The following TASP1 variants were observed in gnomAD, a reference collection of about 807,000 sequenced individuals.
The protein encoded by TASP1 is threonine aspartase 1.
Under a neutral mutation model 56.6 loss-of-function variants are expected in TASP1, and 16 were observed. That is an observed-to-expected ratio of 0.28 (90% CI 0.19 to 0.43). TASP1 has a LOEUF of 0.43. Among genes scored for constraint, TASP1 ranks in the 20% least tolerant of loss-of-function variants. The probability of loss-of-function intolerance (pLI) is 1.00; values close to 1 mark genes in which losing one functional copy is unlikely to be tolerated. For synonymous variants in TASP1, 179 were observed against 184.2 expected, an observed-to-expected ratio of 0.97 and a Z score of 0.23; for missense variants, 393 against 511.6, an observed-to-expected ratio of 0.77 and a Z score of 2.24.
the TASP1 span, among the ~76,000 whole-genome samples, chr20:13,337,316 C>G: frequency 6.6e-6 from 1 of 152,168 alleles, no homozygotes. Flanking sequence ...GTTTTTTAGA[C>G]GCCGAGGTCA....
chr20:13,409,434 C>T (rs928290679), intron 13 of TASP1, among the ~76,000 whole-genome samples: 14 of 151,944 alleles, frequency 9.2e-5, no homozygotes, highest in African/African-American at 2.7e-4. Flanking sequence ...TACATTTAGA[C>T]GTTTTATACC....
At chr20:13,164,433 T>C in the TASP1 span, 4 of 492,662 alleles carry the variant, frequency 8.1e-6, no homozygotes, top group African/African-American at 7.8e-5. Flanking sequence ...AGACTACATA[T>C]AAGTCACTAC....
the TASP1 span, chr20:13,270,864 C>T: frequency 1.1e-6 from 1 of 894,284 alleles, no homozygotes; most frequent in South Asian, 1.6e-5. Context: ...ATGATTCCTG[C>T]TTAAGATCAT....
At chr20:13,475,818 C>T (rs368001361) in intron 11 of TASP1, among the ~76,000 whole-genome samples, 7 of 148,148 alleles carry the variant, frequency 4.7e-5, no homozygotes, top group South Asian at 2.2e-4. Context: ...ATCACTTGAA[C>T]CCTGGAGGCG....
chr20:13,631,274 A>C (rs1296485435), intron 1 of TASP1, among the ~76,000 whole-genome samples: 3 of 152,326 alleles, frequency 2.0e-5, no homozygotes, highest in East Asian at 3.9e-4. Context: ...ATACAGATTC[A>C]CAAATGCAGG....
chr20:13,390,217 G>C lies in TASP1; in HGVS notation c.*143C>G. ...CGCGTGTCACTAAGCGCTAACTACAGCAGCACTTGTGTCTCGAGCAGTGCA... is the reference window on the plus strand; with the variant it reads ...CGCGTGTCACTAAGCGCTAACTACACCAGCACTTGTGTCTCGAGCAGTGCA... On this transcript the variant is annotated 3_prime_UTR_variant, in exon 14 of 14. Transcript: ENST00000337743. 1 of 710,088 alleles carries C rather than the reference G, an allele frequency of 1.4e-6. No homozygotes were observed. Among genetic ancestry groups the C allele is most frequent in the Non-Finnish European group, 2.3e-6 (1 of 427,014 alleles). 44.0% of individuals were successfully genotyped at this position (710,088 alleles called of 1,614,324 possible). A position where few individuals can be genotyped will look rare whatever the true frequency, so the allele number is the denominator to read the frequency against.
the TASP1 span, among the ~76,000 whole-genome samples, chr20:13,275,269 T>C: frequency 1.3e-5 from 2 of 152,356 alleles, no homozygotes; most frequent in South Asian, 4.1e-4. Flanking sequence ...CACAGGCCTC[T>C]TGAGCGCCAC....
At chr20:13,250,797 C>T in the TASP1 span, among the ~76,000 whole-genome samples, 1 of 152,184 alleles carries the variant, frequency 6.6e-6, no homozygotes, top group African/African-American at 2.4e-5. Flanking sequence ...CCCTGCAGCT[C>T]ATCTGCCCAC....
chr20:13,569,563 T>G lies in TASP1; in HGVS notation c.512A>C (p.Tyr171Ser), dbSNP rs774388018. 35 of 1,612,414 alleles carry G rather than the reference T, an allele frequency of 2.2e-5. No homozygotes were observed. Among genetic ancestry groups the G allele is most frequent in the African/African-American group, 2.7e-5 (2 of 74,882 alleles). Residue 171 changes from tyrosine (Y) to serine (S), a missense_variant, in exon 7 of 14, where the codon TAC (tyrosine) becomes TCC (serine). By Grantham distance (144) the Tyr-to-Ser change is moderately radical (BLOSUM62 -2). Coordinates refer to ENST00000337743, the MANE Select transcript of TASP1 (RefSeq NM_017714.3). ...TATTCCATGATCTACTGCCCATCTGTAGGCTCCTTCTCCAACTAAAAAGCT... is the reference window on the plus strand; with the variant it reads ...TATTCCATGATCTACTGCCCATCTGGAGGCTCCTTCTCCAACTAAAAAGCT... ...PPCFLVGEGAYRWAVDHGIPS... is the reference protein window; with the variant it reads ...PPCFLVGEGASRWAVDHGIPS...
At chr20:13,549,084 T>C (rs1048572312) in intron 8 of TASP1, among the ~76,000 whole-genome samples, 1 of 152,136 alleles carries the variant, frequency 6.6e-6, no homozygotes, top group Non-Finnish European at 1.5e-5. Context: ...TAGTTCAACA[T>C]GCTGACTTAA....
chr20:13,325,777 G>A, the TASP1 span, among the ~76,000 whole-genome samples: 55 of 152,154 alleles, frequency 3.6e-4, 2 homozygotes, highest in African/African-American at 1.0e-3. Context: ...TAATTACTCC[G>A]AGAACTGACT....
chr20:13,488,945 C>T (rs1473335418), intron 10 of TASP1, among the ~76,000 whole-genome samples: 3 of 152,164 alleles, frequency 2.0e-5, no homozygotes, highest in Admixed American at 2.0e-4. Flanking sequence ...TCCCAAAAAC[C>T]TCCCTGCTGC....
At chr20:13,426,437 A>G (rs2042619696) in intron 12 of TASP1, among the ~76,000 whole-genome samples, 1 of 152,176 alleles carries the variant, frequency 6.6e-6, no homozygotes, top group African/African-American at 2.4e-5. Flanking sequence ...GCCAAAAAAT[A>G]ATATTTCTTG....
intron 11 of TASP1, among the ~76,000 whole-genome samples, chr20:13,436,460 T>C (rs2043007288): frequency 6.6e-6 from 1 of 151,926 alleles, no homozygotes; most frequent in Non-Finnish European, 1.5e-5. Flanking sequence ...CAGAAAAACT[T>C]TGCCAACTCC....
At chr20:13,123,775 G>A in the TASP1 span, among the ~76,000 whole-genome samples, 3 of 152,034 alleles carry the variant, frequency 2.0e-5, no homozygotes, top group South Asian at 2.1e-4. Flanking sequence ...ATCCCTCATG[G>A]CCAGATCACA....
the TASP1 span, among the ~76,000 whole-genome samples, chr20:13,289,175 C>T: frequency 3.9e-4 from 59 of 152,212 alleles, no homozygotes; most frequent in African/African-American, 1.4e-3. Flanking sequence ...TTGCAGTGGC[C>T]GTGACCTAAA....
At chr20:13,138,008 C>T in the TASP1 span, among the ~76,000 whole-genome samples, 1 of 152,134 alleles carries the variant, frequency 6.6e-6, no homozygotes, top group Admixed American at 6.5e-5. Context: ...GCTGGAGTGA[C>T]CCTTCTAGTT....
the TASP1 span, among the ~76,000 whole-genome samples, chr20:13,138,407 T>G: frequency 0.017 from 2,652 of 152,300 alleles, 79 homozygotes; most frequent in African/African-American, 0.061. Flanking sequence ...CCTATCTTGA[T>G]GGCCCCAGTC....
At chr20:13,322,099 A>T in the TASP1 span, among the ~76,000 whole-genome samples, 1 of 152,230 alleles carries the variant, frequency 6.6e-6, no homozygotes, top group Non-Finnish European at 1.5e-5. Context: ...TTAAAAGTAC[A>T]AGTACCGTTT....
Sources: gnomAD v4.1 joint callset for allele counts (sites outside exome capture counted in the v4.1 genomes callset) on GRCh38, gnomAD v4.1.1 for gene constraint, MANE v1.5 for transcripts, NCBI Gene and HGNC (gene_info 2026-07-23, HGNC 2026-07-21) for gene names.